The following TASP1 variants were observed in gnomAD, a reference collection of about 807,000 sequenced individuals.
TASP1 encodes taspase 1.
In TASP1, 16 loss-of-function variants were observed where a neutral mutation model predicts 56.6. The ratio of observed to expected loss-of-function variants is 0.28; its 90% CI spans 0.19 to 0.43. The LOEUF (loss-of-function observed/expected upper bound fraction) is 0.43. Among genes scored for constraint, TASP1 ranks in the 20% least tolerant of loss-of-function variants. The pLI is 1.00. For synonymous variants in TASP1, 179 were observed against 184.2 expected (o/e 0.97, Z 0.23); for missense variants, 393 against 511.6 (o/e 0.77, Z 2.24).
At chr20:13,483,124 A>C in intron 11 of TASP1, 103 bp downstream of exon 11, 39 of 773,256 alleles carry the variant, frequency 5.0e-5, no homozygotes, top group East Asian at 1.1e-4. Context: ...GCTAGACCCT[A>C]GAGGTAGGTC....
chr20:13,206,776 T>G, the TASP1 span, among the ~76,000 whole-genome samples: 1 of 152,176 alleles, frequency 6.6e-6, no homozygotes, highest in East Asian at 1.9e-4. Context: ...TCAGTACCAT[T>G]TCTCGGCCAG....
Position 13,606,806 on chromosome 20 carries a change from C to CAAAAAA in TASP1, c.282+16634_282+16639dup, listed in dbSNP as rs71334137. ...TGGGCGACTGAGCGAGACTCCGTCTCAAAAAAAAAAAAAAAAAAAGAATTT... is the reference window on the plus strand; with the variant it reads ...TGGGCGACTGAGCGAGACTCCGTCTCAAAAAAAAAAAAAAAAAAAAAAAAAGAATTT... On this transcript the variant is annotated intron_variant, in intron 4 of 13. Transcript: ENST00000337743. 5.3e-5 allele frequency among the ~76,000 whole-genome samples: 4 copies of CAAAAAA among 75,230 alleles called. No homozygotes were observed. In the East Asian group the frequency reaches 1.3e-3, roughly 25 times the overall value. The allele number at this position is 75,230 out of a possible 152,430, so 49.4% of individuals were successfully genotyped here.
chr20:13,121,170 G>A, the TASP1 span, among the ~76,000 whole-genome samples: 1 of 152,150 alleles, frequency 6.6e-6, no homozygotes, highest in African/African-American at 2.4e-5. Flanking sequence ...GCCTGGTGCC[G>A]AACACTGGCT....
intron 10 of TASP1, among the ~76,000 whole-genome samples, chr20:13,526,036 C>A (rs774970305): frequency 6.6e-6 from 1 of 152,124 alleles, no homozygotes; most frequent in Non-Finnish European, 1.5e-5. Flanking sequence ...TGGAGAAAAA[C>A]CTTAATTTTA....
intron 11 of TASP1, among the ~76,000 whole-genome samples, chr20:13,439,466 T>G (rs1160447410): frequency 1.3e-5 from 2 of 151,532 alleles, no homozygotes; most frequent in Admixed American, 6.6e-5. Context: ...TGAGAACACA[T>G]GGACACAGGA....
At chr20:13,441,679 G>A (rs1288294861) in intron 11 of TASP1, among the ~76,000 whole-genome samples, 2 of 152,198 alleles carry the variant, frequency 1.3e-5, no homozygotes. Context: ...TTACTTAGCT[G>A]TGCAGAATGT....
At chr20:13,592,397 C>CAA (rs34379997) in intron 4 of TASP1, among the ~76,000 whole-genome samples, 57,026 of 137,948 alleles carry the variant, frequency 0.41, 11,431 homozygotes, top group East Asian at 0.57. Flanking sequence ...AACACTGTCT[C>CAA]AAAAAAAAAA....
chr20:13,280,620 C>T, the TASP1 span, among the ~76,000 whole-genome samples: 1 of 152,184 alleles, frequency 6.6e-6, no homozygotes, highest in Admixed American at 6.5e-5. Context: ...GAGTTATCCC[C>T]TGGATATTCT....
At chr20:13,147,512 C>T in the TASP1 span, among the ~76,000 whole-genome samples, 2 of 152,180 alleles carry the variant, frequency 1.3e-5, no homozygotes, top group African/African-American at 4.8e-5. Context: ...CCCCATCACC[C>T]TCTGCCCCCT....
intron 8 of TASP1, among the ~76,000 whole-genome samples, chr20:13,539,995 G>A (rs2146938410): frequency 6.6e-6 from 1 of 152,238 alleles, no homozygotes; most frequent in African/African-American, 2.4e-5. Context: ...TTATTACACA[G>A]CTAAACAGTA....
At chr20:13,440,680 TAAA>T (rs34830955) in intron 11 of TASP1, among the ~76,000 whole-genome samples, 3 of 142,786 alleles carry the variant, frequency 2.1e-5, no homozygotes, top group Admixed American at 7.0e-5. Context: ...ACTGATAAGC[TAAA>T]AAAAAAAAAA....
chr20:13,270,969 A>G, the TASP1 span, among the ~76,000 whole-genome samples: 1 of 152,244 alleles, frequency 6.6e-6, no homozygotes, highest in East Asian at 1.9e-4. Flanking sequence ...AGAAGAAAAC[A>G]CTACCAATTA....
At chr20:13,353,786 C>T in the TASP1 span, among the ~76,000 whole-genome samples, 19 of 152,188 alleles carry the variant, frequency 1.2e-4, no homozygotes, top group Non-Finnish European at 2.6e-4. Context: ...AGCTCCCTTA[C>T]ATATAAAGCT....
the TASP1 span, among the ~76,000 whole-genome samples, chr20:13,139,994 T>C: frequency 6.6e-6 from 1 of 152,198 alleles, no homozygotes; most frequent in African/African-American, 2.4e-5. Flanking sequence ...CAGGTGTTGC[T>C]ATCATTGCTG....
intron 8 of TASP1, among the ~76,000 whole-genome samples, chr20:13,549,197 C>T (rs1287983576): frequency 2.0e-5 from 3 of 152,128 alleles, no homozygotes; most frequent in African/African-American, 7.2e-5. Flanking sequence ...TATACACTGT[C>T]TCTCACCTTA....
At chr20:13,329,548 TTTG>T in the TASP1 span, among the ~76,000 whole-genome samples, 1 of 149,302 alleles carries the variant, frequency 6.7e-6, no homozygotes, top group African/African-American at 2.6e-5. Context: ...GTAATATGCT[TTTG>T]TTTTTTTTCA....
Position 13,544,449 on chromosome 20 carries a change from C to G in TASP1, c.676-10308G>C, listed in dbSNP as rs149668729. Among the ~76,000 whole-genome samples the G allele has an allele frequency of 1.9e-3, 283 of 152,252 alleles. 1 individual carries two copies. The highest frequency in any genetic ancestry group is 6.4e-3 in the African/African-American group (266 of 41,556). ...GTCACCACTGTCTGGGAAATATATTCAAGAGAGAAGAAGAGAACCAAGATC... is the reference window on the plus strand; with the variant it reads ...GTCACCACTGTCTGGGAAATATATTGAAGAGAGAAGAAGAGAACCAAGATC... On this transcript the variant is annotated intron_variant, in intron 8 of 13. Coordinates refer to ENST00000337743, the MANE Select transcript of TASP1 (RefSeq NM_017714.3).
chr20:13,635,263 A>T (rs2049261199), intron 1 of TASP1, among the ~76,000 whole-genome samples: 1 of 152,156 alleles, frequency 6.6e-6, no homozygotes, highest in Non-Finnish European at 1.5e-5. Flanking sequence ...CATTTTCTTA[A>T]TCTTCTGCTT....
At chr20:13,247,072 C>G in the TASP1 span, among the ~76,000 whole-genome samples, 4 of 152,050 alleles carry the variant, frequency 2.6e-5, no homozygotes, top group Admixed American at 6.5e-5. Context: ...CCCGTCTCTA[C>G]TGAAAATACA....
Sources: gnomAD v4.1 joint callset for allele counts (sites outside exome capture counted in the v4.1 genomes callset) on GRCh38, gnomAD v4.1.1 for gene constraint, MANE v1.5 for transcripts, NCBI Gene and HGNC (gene_info 2026-07-23, HGNC 2026-07-21) for gene names.